Variants in PTPN12 observed in about 807,000 individuals in gnomAD.
The protein encoded by PTPN12 is protein tyrosine phosphatase non-receptor type 12, also known as tyrosine-protein phosphatase non-receptor type 12.
A neutral mutation model predicts 97.6 loss-of-function variants in PTPN12; 29 were observed. The observed-to-expected ratio is 0.30, with a 90% CI of 0.22 to 0.41. PTPN12 has a LOEUF of 0.41. Ranked by LOEUF, PTPN12 falls within the 10% of genes least tolerant of loss-of-function variation. PTPN12 has a pLI of 1.00. For missense variants in PTPN12, 819 were observed against 926.0 expected, an observed-to-expected ratio of 0.88 and a Z score of 1.50; for synonymous variants, 327 against 300.4, an observed-to-expected ratio of 1.09 and a Z score of -0.91.
chr7:77,631,722 G>A (rs1789403928), intron 13 of PTPN12, among the ~76,000 whole-genome samples: 1 of 152,130 alleles, frequency 6.6e-6, no homozygotes, highest in African/African-American at 2.4e-5. Context: ...ACAGCCATGT[G>A]CCACTGTACA....
intron 5 of PTPN12, among the ~76,000 whole-genome samples, chr7:77,591,339 G>A (rs939342556): frequency 2.6e-5 from 4 of 152,062 alleles, no homozygotes; most frequent in Non-Finnish European, 5.9e-5. Flanking sequence ...TGATTTTATT[G>A]GGCCTTGATA....
chr7:77,582,714 G>C (rs374093929), intron 3 of PTPN12, among the ~76,000 whole-genome samples: 3 of 151,404 alleles, frequency 2.0e-5, no homozygotes, highest in African/African-American at 7.3e-5. Context: ...AACCCAGGAG[G>C]TGGAAGTTGC....
intron 1 of PTPN12, among the ~76,000 whole-genome samples, chr7:77,565,722 T>TTAGG (rs768706208): frequency 5.9e-5 from 9 of 152,202 alleles, no homozygotes; most frequent in Non-Finnish European, 1.2e-4. Context: ...TGATTTAGGA[T>TTAGG]TAGGGGAATA....
At chr7:77,563,120 A>G (rs576782232) in intron 1 of PTPN12, among the ~76,000 whole-genome samples, 2 of 152,230 alleles carry the variant, frequency 1.3e-5, no homozygotes, top group Non-Finnish European at 2.9e-5. Flanking sequence ...AGGGAAGATT[A>G]TCTAGCTATA....
chr7:77,601,300 T>G (rs1788180343), intron 8 of PTPN12, among the ~76,000 whole-genome samples: 2 of 152,160 alleles, frequency 1.3e-5, no homozygotes, highest in Admixed American at 1.3e-4. Context: ...ACGTGATCCT[T>G]CTGCCTCAGC....
chr7:77,629,141 G>C (rs955601715), intron 13 of PTPN12, among the ~76,000 whole-genome samples: 2 of 152,032 alleles, frequency 1.3e-5, no homozygotes, highest in African/African-American at 4.8e-5. Flanking sequence ...AGTAGAGACA[G>C]GGTTTCACTG....
chr7:77,570,678 A>G (rs974223659), intron 1 of PTPN12, among the ~76,000 whole-genome samples: 1 of 152,256 alleles, frequency 6.6e-6, no homozygotes, highest in East Asian at 1.9e-4. Context: ...AGCCTGGCAC[A>G]TCATGGGTGC....
chr7:77,632,164 A>T (rs1205756091), intron 13 of PTPN12, among the ~76,000 whole-genome samples, 184 bp from the exon 14 acceptor site: 1 of 152,208 alleles, frequency 6.6e-6, no homozygotes, highest in Non-Finnish European at 1.5e-5. Context: ...TTCTGTATAC[A>T]TTATCTTTGC....
intron 1 of PTPN12, chr7:77,563,964 C>T: frequency 2.3e-6 from 1 of 440,774 alleles, no homozygotes; most frequent in Non-Finnish European, 4.5e-6. Context: ...GGCTGGAGTG[C>T]AGTGGTGTGA....
chr7:77,554,182 G>A (rs1807599739), intron 1 of PTPN12, among the ~76,000 whole-genome samples: 1 of 152,166 alleles, frequency 6.6e-6, no homozygotes, highest in Admixed American at 6.5e-5. Context: ...TGCCCAGGCT[G>A]TCAAACTCCT....
intron 1 of PTPN12, among the ~76,000 whole-genome samples, chr7:77,556,850 A>G (rs1366065058): frequency 6.6e-6 from 1 of 152,026 alleles, no homozygotes; most frequent in African/African-American, 2.4e-5. Flanking sequence ...ATAAAAATAC[A>G]AAAAAAGGGA....
At chr7:77,631,610 G>A (rs1415151072) in intron 13 of PTPN12, among the ~76,000 whole-genome samples, 1 of 152,088 alleles carries the variant, frequency 6.6e-6, no homozygotes, top group Non-Finnish European at 1.5e-5. Context: ...CCATAATAAA[G>A]CTAACCAATG....
At chr7:77,537,837 C>T (rs1806733054) in intron 1 of PTPN12, among the ~76,000 whole-genome samples, 192 bp downstream of exon 1, 1 of 151,826 alleles carries the variant, frequency 6.6e-6, no homozygotes, top group South Asian at 2.1e-4. Context: ...GGCCTCCTTT[C>T]TTCTCCCATG....
rs954287849 is a variant in PTPN12, at chr7:77,569,542, G to A, written c.100-1536G>A. 1.3e-4 allele frequency among the ~76,000 whole-genome samples: 20 copies of A among 152,096 alleles called. No homozygotes were observed. In the East Asian group the frequency reaches 1.3e-3, roughly 10 times the overall value. ...TCTCAGCACTTTGGAAGGCTGAGGC[G>A]GGTGGATCACCTAAGGTCAGGAGTT... On this transcript the variant is annotated intron_variant, in intron 1 of 17. Coordinates refer to ENST00000248594, the MANE Select transcript of PTPN12 (RefSeq NM_002835.4).
chr7:77,587,279 A>G (rs1787721061), intron 5 of PTPN12, among the ~76,000 whole-genome samples: 1 of 152,168 alleles, frequency 6.6e-6, no homozygotes, highest in South Asian at 2.1e-4. Context: ...GGGCTGCAGA[A>G]TGGATGTTGT....
chr7:77,620,239 A>G (rs1301484547), intron 12 of PTPN12, among the ~76,000 whole-genome samples: 1 of 152,248 alleles, frequency 6.6e-6, no homozygotes, highest in East Asian at 1.9e-4. Flanking sequence ...GGAAAAAAGA[A>G]TAGAATATCT....
At chr7:77,638,200 G>A (rs1011984927) in intron 16 of PTPN12, among the ~76,000 whole-genome samples, 2 of 151,290 alleles carry the variant, frequency 1.3e-5, no homozygotes, top group South Asian at 2.1e-4. Context: ...CCTCATGATC[G>A]GCTCGCCTCG....
At chr7:77,631,865 C>A (rs1789410296) in intron 13 of PTPN12, among the ~76,000 whole-genome samples, 1 of 152,108 alleles carries the variant, frequency 6.6e-6, no homozygotes, top group Non-Finnish European at 1.5e-5. Flanking sequence ...GACTGAGGTA[C>A]ACAGTTAAGT....
intron 11 of PTPN12, among the ~76,000 whole-genome samples, chr7:77,616,778 G>A (rs1489784064): frequency 6.6e-6 from 1 of 151,900 alleles, no homozygotes; most frequent in Non-Finnish European, 1.5e-5. Context: ...TAATATGTTG[G>A]GGGTACTTTT....
Sources: allele counts gnomAD v4.1 joint callset (sites outside exome capture counted in the v4.1 genomes callset), GRCh38; gene constraint gnomAD v4.1.1; transcripts MANE v1.5; gene names NCBI Gene and HGNC (gene_info 2026-07-23, HGNC 2026-07-21).